NLGN4X: variants seen among roughly 807,000 people sequenced by gnomAD.
NLGN4X encodes neuroligin-4, X-linked.
A neutral mutation model predicts 40.3 loss-of-function variants in NLGN4X; 3 were observed. The observed-to-expected ratio is 0.07, with a 90% CI of 0.03 to 0.19. The LOEUF (loss-of-function observed/expected upper bound fraction) is 0.19. Ranked by LOEUF, NLGN4X falls within the 10% of genes least tolerant of loss-of-function variation. The pLI is 1.00. For synonymous variants in NLGN4X, 270 were observed against 306.8 expected, an observed-to-expected ratio of 0.88 and a Z score of 1.25; for missense variants, 382 against 708.3, an observed-to-expected ratio of 0.54 and a Z score of 5.23.
intron 2 of NLGN4X, among the ~76,000 whole-genome samples, chrX:6,052,119 C>A (rs941058217): frequency 1.8e-5 from 2 of 109,066 alleles, no homozygotes; most frequent in African/African-American, 6.7e-5. Context: ...ATCCTACAAC[C>A]AAAATAAACC....
Position 6,021,002 on chromosome X carries a change from T to TTCTCTCTCTC in NLGN4X, c.625+8268_625+8277dup, listed in dbSNP as rs869309615. ...AATTTTTTCTTTTTCCTTCCTTCTT[T>TTCTCTCTCTC]TCTCTCTCTCTCTCTCTCTCTCTCT... On this transcript the variant is annotated intron_variant, in intron 3 of 5. Coordinates refer to ENST00000381095, the MANE Select transcript of NLGN4X (RefSeq NM_181332.3). Among the ~76,000 whole-genome samples the TTCTCTCTCTC allele has an allele frequency of 1.3e-3, 32 of 24,123 alleles. 3 individuals carry two copies. The highest frequency in any genetic ancestry group is 1.8e-3 in the Non-Finnish European group (24 of 13,594). 20.9% of individuals were successfully genotyped at this position (24,123 alleles called of 115,157 possible). A position where few individuals can be genotyped will look rare whatever the true frequency, so the allele number is the denominator to read the frequency against.
chrX:6,185,751 G>A (rs1921955908), intron 1 of NLGN4X, among the ~76,000 whole-genome samples: 1 of 111,992 alleles, frequency 8.9e-6, no homozygotes. Context: ...CAGTCAAGAT[G>A]TTTCTCCAAG....
chrX:6,152,070 C>A (rs1196115318), intron 1 of NLGN4X, among the ~76,000 whole-genome samples: 1 of 111,270 alleles, frequency 9.0e-6, no homozygotes, highest in Non-Finnish European at 1.9e-5. Context: ...CCCGCCTCAC[C>A]CTCCCGAGTA....
intron 2 of NLGN4X, among the ~76,000 whole-genome samples, chrX:6,149,974 A>G (rs1042359740): frequency 5.4e-5 from 6 of 110,920 alleles, no homozygotes; most frequent in African/African-American, 1.3e-4. Flanking sequence ...AAAAAAAAAA[A>G]AAGAAGAAGA....
chrX:5,890,957 A>G lies in NLGN4X; in HGVS notation c.*1860T>C. 1 of 313,507 alleles carries G rather than the reference A, an allele frequency of 3.2e-6. No individual in the cohort carries two copies. The highest frequency in any genetic ancestry group is 2.7e-5 in the African/African-American group (1 of 37,591). 25.8% of individuals were successfully genotyped at this position (313,507 alleles called of 1,213,427 possible). ...AGGCAGCTGGACAATTTTTATGGGG[A>G]ATGTCCACTTTAGCGGAGAGATTTA... On this transcript the variant is annotated 3_prime_UTR_variant, in exon 6 of 6. Coordinates refer to ENST00000381095, the MANE Select transcript of NLGN4X (RefSeq NM_181332.3).
chrX:6,011,561 C>T (rs765976908), intron 3 of NLGN4X, among the ~76,000 whole-genome samples: 1 of 110,455 alleles, frequency 9.1e-6, no homozygotes, highest in Non-Finnish European at 1.9e-5. Context: ...ATCTCTCCAC[C>T]GATCAGTGAA....
intron 3 of NLGN4X, among the ~76,000 whole-genome samples, chrX:5,975,702 T>C (rs1348962460): frequency 9.1e-6 from 1 of 110,137 alleles, no homozygotes; most frequent in Non-Finnish European, 1.9e-5. Flanking sequence ...TTTTATACTG[T>C]TGGATACTTA....
chrX:6,208,696 C>G (rs1924270023), intron 1 of NLGN4X, among the ~76,000 whole-genome samples: 1 of 111,936 alleles, frequency 8.9e-6, no homozygotes, highest in Non-Finnish European at 1.9e-5. Context: ...CTGAGACTGT[C>G]TGCAGACATT....
At chrX:6,076,614 GCT>G (rs2038203867) in intron 2 of NLGN4X, among the ~76,000 whole-genome samples, 1 of 112,174 alleles carries the variant, frequency 8.9e-6, no homozygotes, top group Admixed American at 9.4e-5. Flanking sequence ...TGGGATAAAT[GCT>G]CTGAGACCAG....
chrX:6,143,085 T>C (rs1460811723), intron 2 of NLGN4X, among the ~76,000 whole-genome samples: 1 of 112,468 alleles, frequency 8.9e-6, no homozygotes, highest in Admixed American at 9.5e-5. Context: ...GCTGAAATTT[T>C]CGGGTTCCCT....
chrX:6,013,617 G>A (rs1430739475), intron 3 of NLGN4X, among the ~76,000 whole-genome samples: 1 of 110,851 alleles, frequency 9.0e-6, no homozygotes, highest in African/African-American at 3.3e-5. Flanking sequence ...CCAGCATTTT[G>A]GGAGGCTGAG....
chrX:6,046,852 CAT>C (rs1233745879), intron 2 of NLGN4X, among the ~76,000 whole-genome samples: 20 of 75,557 alleles, frequency 2.6e-4, no homozygotes, highest in African/African-American at 5.9e-4. Flanking sequence ...ATTATAAACA[CAT>C]ATATATATAC....
intron 3 of NLGN4X, among the ~76,000 whole-genome samples, chrX:5,977,612 T>C (rs985434122): frequency 9.0e-6 from 1 of 111,036 alleles, no homozygotes; most frequent in East Asian, 2.8e-4. Context: ...TATATTTATA[T>C]ACTGGTATCT....
intron 5 of NLGN4X, among the ~76,000 whole-genome samples, chrX:5,893,876 T>G (rs1225132393): frequency 8.9e-6 from 1 of 112,412 alleles, no homozygotes; most frequent in Non-Finnish European, 1.9e-5. Flanking sequence ...CTCTTATTTT[T>G]CTTTTAAATA....
In NLGN4X at chrX:5,890,409, T is replaced by C. The variant is rs993088242; in HGVS notation, c.*2408A>G. ...CATAATCCCCTGTAAAAGCTAAAGTTATTCACTTAACAGGAACTCTGTTTT... is the reference window on the plus strand; with the variant it reads ...CATAATCCCCTGTAAAAGCTAAAGTCATTCACTTAACAGGAACTCTGTTTT... On this transcript the variant is annotated 3_prime_UTR_variant, in exon 6 of 6. Transcript: ENST00000381095. The C allele has an allele frequency of 1.4e-4, 34 of 246,308 alleles. No homozygotes were observed. The highest frequency in any genetic ancestry group is 5.9e-5 in the Non-Finnish European group (8 of 135,973). 20.3% of individuals were successfully genotyped at this position (246,308 alleles called of 1,213,427 possible).
intron 3 of NLGN4X, among the ~76,000 whole-genome samples, chrX:6,027,811 G>T (rs1440388449): frequency 4.3e-5 from 4 of 94,005 alleles, no homozygotes; most frequent in Non-Finnish European, 8.8e-5. Context: ...TTTATTACTA[G>T]TATTATTATT....
At chrX:6,195,942 CT>C (rs1439705286) in intron 1 of NLGN4X, among the ~76,000 whole-genome samples, 4 of 110,592 alleles carry the variant, frequency 3.6e-5, no homozygotes, top group Non-Finnish European at 7.6e-5. Flanking sequence ...AGGTGGATGC[CT>C]CGAAACCTGG....
intron 3 of NLGN4X, among the ~76,000 whole-genome samples, chrX:6,012,233 T>C (rs2036272704): frequency 8.9e-6 from 1 of 112,849 alleles, no homozygotes; most frequent in Admixed American, 9.4e-5. Context: ...TGCGTATTGC[T>C]GGAGCAAAAG....
chrX:6,212,714 T>G (rs1332070070), intron 1 of NLGN4X, among the ~76,000 whole-genome samples: 2 of 111,748 alleles, frequency 1.8e-5, no homozygotes, highest in Non-Finnish European at 3.8e-5. Flanking sequence ...GAAGAAGGTG[T>G]TTTTGCAAGC....
Sources: allele counts gnomAD v4.1 joint callset (sites outside exome capture counted in the v4.1 genomes callset), GRCh38; gene constraint gnomAD v4.1.1; transcripts MANE v1.5; gene names NCBI Gene and HGNC (gene_info 2026-07-23, HGNC 2026-07-21).